The following PPP4R3B variants were observed in gnomAD, a reference collection of about 807,000 sequenced individuals.
PPP4R3B encodes protein phosphatase 4 regulatory subunit 3B, also known as serine/threonine-protein phosphatase 4 regulatory subunit 3B.
In PPP4R3B, 52 loss-of-function variants were observed where a neutral mutation model predicts 95.4. That is an observed-to-expected ratio of 0.54 (90% confidence interval 0.44 to 0.69). The LOEUF (loss-of-function observed/expected upper bound fraction) is 0.69, where lower values mean the gene tolerates loss of function less well. Ranked by LOEUF, PPP4R3B falls within the 30% of genes least tolerant of loss-of-function variation. The pLI, the probability that PPP4R3B is intolerant of heterozygous loss-of-function variation, is 0.00. For synonymous variants in PPP4R3B, 407 were observed against 343.9 expected (o/e 1.18, Z -2.03); for missense variants, 1,003 against 1,005.9 (o/e 1.00, Z 0.04).
intron 14 of PPP4R3B, 104 bp downstream of exon 14, chr2:55,564,798 G>T: frequency 1.4e-6 from 2 of 1,379,446 alleles, no homozygotes; most frequent in Non-Finnish European, 2.0e-6. Flanking sequence ...GCTATCCAGT[G>T]ATGGAAAGAA....
chr2:55,612,576 G>T (rs1432074327), intron 2 of PPP4R3B, among the ~76,000 whole-genome samples: 1 of 152,010 alleles, frequency 6.6e-6, no homozygotes, highest in Non-Finnish European at 1.5e-5. Context: ...ACAAAGTTTT[G>T]TAATAAATTT....
intron 7 of PPP4R3B, 40 bp downstream of exon 7, chr2:55,585,011 C>A (rs772394607): frequency 7.1e-7 from 1 of 1,414,872 alleles, no homozygotes; most frequent in Non-Finnish European, 9.9e-7. Context: ...ACTACTCACT[C>A]TACAGGTAAT....
chr2:55,570,977 TATA>T (rs971959780), intron 12 of PPP4R3B, among the ~76,000 whole-genome samples: 1 of 152,174 alleles, frequency 6.6e-6, no homozygotes, highest in Non-Finnish European at 1.5e-5. Flanking sequence ...CAGCACTGCT[TATA>T]ATAATAGAAA....
At chr2:55,606,597 G>A (rs112971150) in intron 2 of PPP4R3B, among the ~76,000 whole-genome samples, 4,322 of 151,804 alleles carry the variant, frequency 0.028, 218 homozygotes, top group African/African-American at 0.099. Flanking sequence ...CGAGGCGGGC[G>A]GATCACCTGA....
Position 55,573,649 on chromosome 2 carries a change from T to G in PPP4R3B, c.1735A>C (p.Met579Leu). The G allele has an allele frequency of 6.5e-7, 1 of 1,542,642 alleles. No individual in the cohort carries two copies. The highest frequency in any genetic ancestry group is 8.7e-7 in the Non-Finnish European group (1 of 1,144,534). The change falls in exon 12 of 17, where the codon ATG becomes CTG. Residue 579 changes from methionine to leucine, a missense_variant. Coordinates refer to ENST00000616407, the MANE Select transcript of PPP4R3B (RefSeq NM_001122964.3). ...GCCAGAAAAGTGTGCTTTGAATTCA[T>G]CAAGACCAAGACTCTTCTTAGCAAG... Reference protein sequence around the residue: ...KDLLRRVLVLMNSKHTFLALC... With the variant: ...KDLLRRVLVLLNSKHTFLALC...
intron 2 of PPP4R3B, among the ~76,000 whole-genome samples, chr2:55,607,288 G>A (rs544534914): frequency 4.2e-4 from 64 of 152,216 alleles, no homozygotes; most frequent in African/African-American, 1.4e-3. Context: ...CTGTTTACCC[G>A]GAGACACTGT....
At chr2:55,579,898 G>C in intron 8 of PPP4R3B, 117 bp from the exon 9 acceptor site, 2 of 530,658 alleles carry the variant, frequency 3.8e-6, no homozygotes, top group Non-Finnish European at 3.2e-6. Context: ...TAGCAGTACA[G>C]ATCATATATA....
chr2:55,579,752 A>G lies in PPP4R3B; in HGVS notation c.1395T>C (p.Phe465=). ...GAACATGCATACAATGGTTGTAGAA[A>G]AAATTTAGAAATTCACTTTTTTCGG... ...NKTEKSEFLN[F]FYNHCMHVLT... The change falls in exon 9 of 17, where the codon TTT becomes TTC. Residue 465 remains phenylalanine (F), a synonymous_variant. Transcript: ENST00000616407. 1 of 1,607,232 alleles carries G rather than the reference A, an allele frequency of 6.2e-7. No homozygotes were observed. Among genetic ancestry groups the G allele is most frequent in the Non-Finnish European group, 8.5e-7 (1 of 1,177,438 alleles).
intron 13 of PPP4R3B, among the ~76,000 whole-genome samples, chr2:55,566,283 T>C (rs766689731): frequency 1.3e-5 from 2 of 152,156 alleles, no homozygotes; most frequent in Non-Finnish European, 2.9e-5. Context: ...CTATGTTATA[T>C]GTGAAACGAA....
chr2:55,591,882 A>T (rs2104381333), intron 4 of PPP4R3B, among the ~76,000 whole-genome samples: 1 of 152,324 alleles, frequency 6.6e-6, no homozygotes, highest in East Asian at 1.9e-4. Flanking sequence ...CCTATCATAT[A>T]GTTGAAATAC....
At chr2:55,566,968 T>C (rs1450698451) in intron 13 of PPP4R3B, among the ~76,000 whole-genome samples, 2 of 152,198 alleles carry the variant, frequency 1.3e-5, no homozygotes, top group Non-Finnish European at 2.9e-5. Context: ...GATTACATTA[T>C]TGTACTCCAG....
In PPP4R3B at chr2:55,547,739, T is replaced by A. The variant is rs1222207674; in HGVS notation, c.*2172A>T. The A allele has an allele frequency of 6.6e-6, 1 of 152,194 alleles. No individual in the cohort carries two copies. Among genetic ancestry groups the A allele is most frequent in the East Asian group, 1.9e-4 (1 of 5,200 alleles). The allele number at this position is 152,194 out of a possible 1,614,324, so 9.4% of individuals were successfully genotyped here. ...GAGTTTAAGACCAGCCTGGCCAAGA[T>A]GGTGAAACCCCGTCTCTACTGAAAA... On this transcript the variant is annotated 3_prime_UTR_variant, in exon 17 of 17. Coordinates refer to ENST00000616407, the MANE Select transcript of PPP4R3B (RefSeq NM_001122964.3).
intron 2 of PPP4R3B, among the ~76,000 whole-genome samples, chr2:55,611,862 G>GC (rs1694210340): frequency 1.3e-5 from 2 of 152,082 alleles, no homozygotes; most frequent in Non-Finnish European, 2.9e-5. Flanking sequence ...AGAAGTAGCT[G>GC]GCACTATAGC....
chr2:55,581,811 G>T, intron 7 of PPP4R3B, 113 bp from the exon 8 acceptor site: 1 of 1,081,982 alleles, frequency 9.2e-7, no homozygotes, highest in Admixed American at 3.1e-5. Flanking sequence ...AAAAAACGAA[G>T]AATGGAATAG....
At chr2:55,594,754 G>A (rs934239303) in intron 4 of PPP4R3B, among the ~76,000 whole-genome samples, 1 of 152,008 alleles carries the variant, frequency 6.6e-6, no homozygotes, top group Non-Finnish European at 1.5e-5. Flanking sequence ...ATAGCACCCT[G>A]AATTGTATAC....
chr2:55,617,550 T>C lies in PPP4R3B; in HGVS notation c.-265A>G, dbSNP rs953418994. 1 of 375,298 alleles carries C rather than the reference T, an allele frequency of 2.7e-6. No individual in the cohort carries two copies. The highest frequency in any genetic ancestry group is 4.8e-6 in the Non-Finnish European group (1 of 206,990). 23.2% of individuals were successfully genotyped at this position (375,298 alleles called of 1,614,324 possible). ...CGTCTCTTTGCCCCCCAGGGCTCGC[T>C]TGCTCTCCCGCCGCCGCGGTAACTA... On this transcript the variant is annotated 5_prime_UTR_variant, in exon 1 of 17. Coordinates refer to ENST00000616407, the MANE Select transcript of PPP4R3B (RefSeq NM_001122964.3).
intron 3 of PPP4R3B, among the ~76,000 whole-genome samples, chr2:55,603,770 A>G (rs1692994113): frequency 1.3e-5 from 2 of 152,224 alleles, no homozygotes; most frequent in South Asian, 4.1e-4. Flanking sequence ...CAAAATCTAA[A>G]GTGGTAAAAC....
intron 2 of PPP4R3B, among the ~76,000 whole-genome samples, chr2:55,607,554 T>G (rs1422831923): frequency 2.0e-5 from 3 of 152,146 alleles, no homozygotes; most frequent in Non-Finnish European, 2.9e-5. Context: ...AGGTATGGGG[T>G]AAGAGGCTCA....
chr2:55,554,776 G>C (rs1213969503), intron 16 of PPP4R3B, among the ~76,000 whole-genome samples: 3 of 151,976 alleles, frequency 2.0e-5, no homozygotes, highest in Non-Finnish European at 2.9e-5. Flanking sequence ...TTTTTCTTTT[G>C]TCACTTGAGC....
Sources: gnomAD v4.1 joint callset for allele counts (sites outside exome capture counted in the v4.1 genomes callset) on GRCh38, gnomAD v4.1.1 for gene constraint, MANE v1.5 for transcripts, NCBI Gene and HGNC (gene_info 2026-07-23, HGNC 2026-07-21) for gene names.